DNAJA4: variants seen among roughly 807,000 people sequenced by gnomAD.
DNAJA4 encodes dnaJ homolog subfamily A member 4.
DNAJA4 carries 32 observed loss-of-function variants against 39.7 expected under a neutral mutation model. The ratio of observed to expected loss-of-function variants is 0.81; its 90% CI spans 0.61 to 1.08. The LOEUF (loss-of-function observed/expected upper bound fraction) is 1.08, where lower values mean the gene tolerates loss of function less well. Among genes scored for constraint, DNAJA4 ranks in the 50% least tolerant of loss-of-function variants. The probability of loss-of-function intolerance (pLI) is 0.00; values close to 1 mark genes in which losing one functional copy is unlikely to be tolerated. For synonymous variants in DNAJA4, 184 were observed against 182.4 expected, an observed-to-expected ratio of 1.01 and a Z score of -0.07; for missense variants, 439 against 505.1, an observed-to-expected ratio of 0.87 and a Z score of 1.25.
At chr15:78,272,760 G>A (rs548592712) in intron 2 of DNAJA4, among the ~76,000 whole-genome samples, 6 of 152,346 alleles carry the variant, frequency 3.9e-5, no homozygotes, top group East Asian at 3.9e-4. Flanking sequence ...AACCAATTTC[G>A]TGGGTTAATA....
rs747696932 is a variant in DNAJA4, at chr15:78,274,203, G to A, written c.425G>A (p.Gly142Asp). 2.5e-6 allele frequency: 4 copies of A among 1,613,552 alleles called. No individual in the cohort carries two copies. The highest frequency in any genetic ancestry group is 3.4e-6 in the Non-Finnish European group (4 of 1,179,582). ...NVICEKCEGVGGKKGSVEKCP... is the reference protein window; with the variant it reads ...NVICEKCEGVDGKKGSVEKCP... ...GCCTCCCCTGACCCTGCAGGTGTTG[G>A]TGGGAAGAAGGGATCGGTGGAGAAG... Residue 142 changes from glycine (G) to aspartate (D), a missense_variant, in exon 4 of 7, where the codon GGT becomes GAT. Physicochemically the swap from Gly to Asp is moderately conservative, Grantham distance 94. Transcript: ENST00000394852.
chr15:78,277,807 A>T, intron 5 of DNAJA4: 1 of 349,692 alleles, frequency 2.9e-6, no homozygotes, highest in Non-Finnish European at 5.6e-6. Flanking sequence ...AGAGCCCCAG[A>T]GGGAAGGAAG....
chr15:78,267,174 G>A (rs1402796262), intron 1 of DNAJA4, among the ~76,000 whole-genome samples: 1 of 104,642 alleles, frequency 9.6e-6, no homozygotes, highest in African/African-American at 3.9e-5. Context: ...GAGTGTGTGA[G>A]TGTGTGAGTG....
chr15:78,276,877 C>T (rs542353791), intron 5 of DNAJA4, among the ~76,000 whole-genome samples: 1 of 152,304 alleles, frequency 6.6e-6, no homozygotes, highest in African/African-American at 2.4e-5. Flanking sequence ...CCCTCCGTGT[C>T]CCTCTCCCCC....
chr15:78,274,643 T>A (rs1195836505), intron 4 of DNAJA4: 1 of 576,196 alleles, frequency 1.7e-6, no homozygotes, highest in Non-Finnish European at 3.1e-6. Flanking sequence ...GTTTACTTCC[T>A]TGAGATCACA....
chr15:78,276,599 A>T (rs1351787064), intron 5 of DNAJA4, among the ~76,000 whole-genome samples: 3 of 152,268 alleles, frequency 2.0e-5, no homozygotes, highest in Non-Finnish European at 4.4e-5. Flanking sequence ...TCAGCTGTGC[A>T]TAGCAAAGAA....
rs535789950 is a variant in DNAJA4 at position 78,273,447 on chromosome 15, T to G, written c.418+248T>G. ...TTTGTATTTTTTATTTTTATTATAC[T>G]CTAAGTTTTAGGGTGCATGTGCACA... On this transcript the variant is annotated intron_variant, in intron 3 of 6. Transcript: ENST00000394852. 4.1e-4 allele frequency among the ~76,000 whole-genome samples: 62 copies of G among 152,392 alleles called. No individual in the cohort carries two copies. The South Asian group carries it at 8.7e-3, about 21-fold the overall frequency.
At chr15:78,272,151 A>G (rs879698074) in intron 2 of DNAJA4, among the ~76,000 whole-genome samples, 3 of 152,136 alleles carry the variant, frequency 2.0e-5, no homozygotes, top group Non-Finnish European at 4.4e-5. Context: ...CCTGGCTAAC[A>G]TGGTGAAACC....
At position 78,264,635 on chromosome 15, in the gene DNAJA4, G is replaced by A; in HGVS notation, c.-129G>A. 3 of 1,024,418 alleles carry A rather than the reference G, an allele frequency of 2.9e-6. No individual in the cohort carries two copies. Among genetic ancestry groups the A allele is most frequent in the South Asian group, 4.5e-5 (1 of 22,458 alleles). 63.5% of individuals were successfully genotyped at this position (1,024,418 alleles called of 1,614,324 possible). On this transcript the variant is annotated 5_prime_UTR_variant, in exon 1 of 7. Coordinates refer to ENST00000394852, the MANE Select transcript of DNAJA4 (RefSeq NM_001130182.2). ...CGGGCGGGAGCTACAAGCGGCGGCG[G>A]CGGCGGCGACCGTGACCGTGACGCG...
At position 78,275,648 on chromosome 15, in the gene DNAJA4, A is replaced by C. The variant is rs776756103; in HGVS notation, c.797A>C (p.Gln266Pro). 1.9e-5 allele frequency: 31 copies of C among 1,614,078 alleles called. No individual in the cohort carries two copies. Among genetic ancestry groups the C allele is most frequent in the Non-Finnish European group, 2.6e-5 (31 of 1,180,024 alleles). ...GACTTGATCATGAAAATGAAAATTC[A>C]GCTTTCTGAAGCTCTTTGTGGCTTC... ...GHDLIMKMKIQLSEALCGFKK... is the reference protein window; with the variant it reads ...GHDLIMKMKIPLSEALCGFKK... Residue 266 changes from glutamine (Q) to proline (P), a missense_variant, in exon 5 of 7, where the codon CAG becomes CCG. By Grantham distance (76) the Gln-to-Pro change is moderately conservative. Transcript: ENST00000394852.
chr15:78,264,247 C>A, upstream of DNAJA4: 1 of 1,121,368 alleles, frequency 8.9e-7, no homozygotes, highest in Non-Finnish European at 1.2e-6. Context: ...AGGGGGCGGC[C>A]TCGGGGCGGC....
chr15:78,264,339 G>A, upstream of DNAJA4: 1 of 1,444,116 alleles, frequency 6.9e-7, no homozygotes, highest in South Asian at 1.4e-5. Flanking sequence ...AGTCAGAGCT[G>A]GAGCTCCGGG....
At chr15:78,276,064 G>GA (rs2049448251) in intron 5 of DNAJA4, among the ~76,000 whole-genome samples, 1 of 152,100 alleles carries the variant, frequency 6.6e-6, no homozygotes, top group Non-Finnish European at 1.5e-5. Flanking sequence ...TATTCTCCTA[G>GA]AAAAAATATT....
chr15:78,280,323 G>A lies in DNAJA4; in HGVS notation c.1057G>A (p.Val353Met). The change falls in exon 7 of 7, where the codon GTG (valine) becomes ATG (methionine). Residue 353 changes from valine (V) to methionine (M), a missense_variant. Transcript: ENST00000394852. ...LEALLPPRQK[V>M]RITDDMDQVE... ...AGCTTTACTCCCTCCTCGACAGAAA[G>A]TGAGGATTACAGATGACATGGATCA... is the stretch of plus-strand genomic sequence containing the variant. 2 of 1,614,236 alleles carry A rather than the reference G, an allele frequency of 1.2e-6. No individual in the cohort carries two copies. Among genetic ancestry groups the A allele is most frequent in the Non-Finnish European group, 1.7e-6 (2 of 1,180,042 alleles).
Position 78,280,547 on chromosome 15 carries a change from T to G in DNAJA4, c.*87T>G, listed in dbSNP as rs1328081246. On this transcript the variant is annotated 3_prime_UTR_variant, in exon 7 of 7. Transcript: ENST00000394852. ...TGAAAATGACATCGCTTTAATGGCC[T>G]TGTGTTTGGGATGTCCTGTGTATGT... 8.4e-7 allele frequency: 1 copy of G among 1,192,618 alleles called. No homozygotes were observed. The highest frequency in any genetic ancestry group is 1.5e-5 in the African/African-American group (1 of 65,958). The allele number at this position is 1,192,618 out of a possible 1,614,324, so 73.9% of individuals were successfully genotyped here.
At position 78,280,850 on chromosome 15, in the gene DNAJA4, A is replaced by T. The variant is rs1175137168; in HGVS notation, c.*390A>T. On this transcript the variant is annotated 3_prime_UTR_variant, in exon 7 of 7. Coordinates refer to ENST00000394852, the MANE Select transcript of DNAJA4 (RefSeq NM_001130182.2). ...GCAAACCCCAAGGCACAAAGTGGGC[A>T]TCCTGACTCATCTCTAGGTCTGTGG... 1 of 178,100 alleles carries T rather than the reference A, an allele frequency of 5.6e-6. No individual in the cohort carries two copies. Among genetic ancestry groups the T allele is most frequent in the Non-Finnish European group, 1.2e-5 (1 of 83,882 alleles). 11.0% of individuals were successfully genotyped at this position (178,100 alleles called of 1,614,324 possible).
At chr15:78,269,283 C>T (rs2049228923) in intron 1 of DNAJA4, among the ~76,000 whole-genome samples, 1 of 152,108 alleles carries the variant, frequency 6.6e-6, no homozygotes, top group Non-Finnish European at 1.5e-5. Context: ...CATGGAAGAC[C>T]ACGGAGGAGG....
At position 78,264,817 on chromosome 15, in the gene DNAJA4, C is replaced by G. The variant is rs1200688637; in HGVS notation, c.54C>G (p.Ser18=). 2 of 1,610,938 alleles carry G rather than the reference C, an allele frequency of 1.2e-6. No homozygotes were observed. The highest frequency in any genetic ancestry group is 1.7e-5 in the Admixed American group (1 of 59,822). The change falls in exon 1 of 7, where the codon TCC becomes TCG. Residue 18 remains serine (S), a synonymous_variant. Transcript: ENST00000394852. The stretch of plus-strand genomic sequence containing the variant: ...TCCTGGGCGTGAAGCCCAGCGCGTC[C>G]CCGGAGGAGATCAAGAAGGCCTATC... The part of the protein sequence containing the change: ...YDILGVKPSA[S]PEEIKKAYRK...
Position 78,280,253 on chromosome 15 carries a change from T to C in DNAJA4, c.987T>C (p.Phe329=), listed in dbSNP as rs776855714. ...CACCTCACCCTTTACAGGTAATCTT[T>C]CCTGAAAAACACTGGCTTTCTCTGG... is the stretch of plus-strand genomic sequence containing the variant. ...GILIIQFLVI[F]PEKHWLSLEK... The change falls in exon 7 of 7, where the codon TTT becomes TTC. Residue 329 remains phenylalanine (F), a synonymous_variant. Coordinates refer to ENST00000394852, the MANE Select transcript of DNAJA4 (RefSeq NM_001130182.2). 6.2e-7 allele frequency: 1 copy of C among 1,614,036 alleles called. No homozygotes were observed. The highest frequency in any genetic ancestry group is 8.5e-7 in the Non-Finnish European group (1 of 1,179,878).
Sources: gnomAD v4.1 joint callset for allele counts (sites outside exome capture counted in the v4.1 genomes callset) on GRCh38, gnomAD v4.1.1 for gene constraint, MANE v1.5 for transcripts, NCBI Gene and HGNC (gene_info 2026-07-23, HGNC 2026-07-21) for gene names.